PIK3C2G: variants seen among roughly 807,000 people sequenced by gnomAD.
PIK3C2G encodes phosphatidylinositol 3-kinase C2 domain-containing subunit gamma.
A neutral mutation model predicts 181.1 loss-of-function variants in PIK3C2G; 168 were observed. The ratio of observed to expected loss-of-function variants is 0.93; its 90% CI spans 0.82 to 1.05. PIK3C2G has a LOEUF of 1.05. Ranked by LOEUF, PIK3C2G falls within the 50% of genes least tolerant of loss-of-function variation. The probability of loss-of-function intolerance (pLI) is 0.00; values close to 1 mark genes in which losing one functional copy is unlikely to be tolerated. For missense variants in PIK3C2G, 1,869 were observed against 1,732.8 expected (o/e 1.08, Z -1.40); for synonymous variants, 573 against 592.2 (o/e 0.97, Z 0.47).
intron 28 of PIK3C2G, 104 bp from the exon 29 acceptor site, chr12:18,566,845 C>A (rs1945663504): frequency 2.9e-6 from 2 of 696,932 alleles, no homozygotes; most frequent in Admixed American, 2.6e-5. Flanking sequence ...CAAATGTTTT[C>A]ATTGGCCCTT....
chr12:18,295,674 G>A (rs1436810108), intron 5 of PIK3C2G, among the ~76,000 whole-genome samples: 1 of 151,812 alleles, frequency 6.6e-6, no homozygotes, highest in Non-Finnish European at 1.5e-5. Flanking sequence ...ATTAAGATAG[G>A]AAAGTTGCCA....
chr12:18,395,465 C>A (rs1253375481), intron 15 of PIK3C2G, among the ~76,000 whole-genome samples: 3 of 148,666 alleles, frequency 2.0e-5, no homozygotes, highest in Middle Eastern at 3.4e-3. Flanking sequence ...TCAACCAAAT[C>A]CAGCTGAGTT....
At chr12:18,348,316 G>C (rs1219010377) in intron 11 of PIK3C2G, among the ~76,000 whole-genome samples, 1 of 151,692 alleles carries the variant, frequency 6.6e-6, no homozygotes, top group Admixed American at 6.6e-5. Context: ...ATATAAAAAA[G>C]TGTGCATTTA....
intron 26 of PIK3C2G, among the ~76,000 whole-genome samples, chr12:18,550,168 C>T (rs1944650249): frequency 6.6e-6 from 1 of 152,048 alleles, no homozygotes; most frequent in African/African-American, 2.4e-5. Context: ...TATGAACAAT[C>T]TCTTACAGAG....
In PIK3C2G at chr12:18,648,135, G is replaced by C. The variant is rs566063445; in HGVS notation, c.*107G>C. The C allele has an allele frequency of 1.9e-6, 1 of 534,808 alleles. No individual in the cohort carries two copies. Among genetic ancestry groups the C allele is most frequent in the East Asian group, 3.3e-5 (1 of 30,196 alleles). 33.1% of individuals were successfully genotyped at this position (534,808 alleles called of 1,614,324 possible). A position where few individuals can be genotyped will look rare whatever the true frequency, so the allele number is the denominator to read the frequency against. On this transcript the variant is annotated 3_prime_UTR_variant, in exon 33 of 33. Coordinates refer to ENST00000538779, the MANE Select transcript of PIK3C2G (RefSeq NM_001288772.2). ...ATCTTTGTTGTCAAAGACAGCACAGGGTATTAAGGACACAGAAAAAAAATC... is the reference window on the plus strand; with the variant it reads ...ATCTTTGTTGTCAAAGACAGCACAGCGTATTAAGGACACAGAAAAAAAATC...
intron 24 of PIK3C2G, among the ~76,000 whole-genome samples, chr12:18,512,895 A>G (rs1171957674): frequency 6.6e-6 from 1 of 151,874 alleles, no homozygotes; most frequent in Non-Finnish European, 1.5e-5. Flanking sequence ...AAAGCTTTCA[A>G]CTTTTCACCA....
At chr12:18,454,800 T>C (rs1947540078) in intron 18 of PIK3C2G, among the ~76,000 whole-genome samples, 1 of 152,170 alleles carries the variant, frequency 6.6e-6, no homozygotes, top group Non-Finnish European at 1.5e-5. Flanking sequence ...AATTTGAAGA[T>C]AGAACTGACA....
intron 18 of PIK3C2G, among the ~76,000 whole-genome samples, chr12:18,453,528 C>G (rs757737406): frequency 1.3e-5 from 2 of 151,994 alleles, no homozygotes; most frequent in Non-Finnish European, 2.9e-5. Context: ...GTGACCTGTG[C>G]TTTTAATAAT....
intron 24 of PIK3C2G, among the ~76,000 whole-genome samples, chr12:18,535,245 G>C (rs1943783946): frequency 6.6e-6 from 1 of 151,970 alleles, no homozygotes; most frequent in African/African-American, 2.4e-5. Context: ...TTATAGACAA[G>C]TTTAGGGTAA....
At chr12:18,629,264 G>A (rs906981505) in intron 31 of PIK3C2G, among the ~76,000 whole-genome samples, 1 of 152,180 alleles carries the variant, frequency 6.6e-6, no homozygotes, top group African/African-American at 2.4e-5. Context: ...ACAGATATGA[G>A]AGAGGGCACA....
At chr12:18,532,474 AC>A (rs1592509670) in intron 24 of PIK3C2G, among the ~76,000 whole-genome samples, 1 of 152,112 alleles carries the variant, frequency 6.6e-6, no homozygotes, top group Admixed American at 6.6e-5. Flanking sequence ...AAGTCTGTGA[AC>A]CATTGTAAGT....
rs191512223 is a variant in PIK3C2G at position 18,605,846 on chromosome 12, A to G, written c.4088-3689A>G. Among the ~76,000 whole-genome samples, 8 of 152,190 alleles carry G rather than the reference A, an allele frequency of 5.3e-5. No individual in the cohort carries two copies. In the East Asian group the frequency reaches 1.5e-3, roughly 29 times the overall value. ...CTCTACAGCATGGTGCTTATAAACC[A>G]GGCGCTTATAAACACAGGCTTTGGA... On this transcript the variant is annotated intron_variant, in intron 30 of 32. Transcript: ENST00000538779.
intron 14 of PIK3C2G, among the ~76,000 whole-genome samples, chr12:18,389,048 C>T (rs565661207): frequency 1.2e-4 from 18 of 152,232 alleles, no homozygotes; most frequent in South Asian, 1.0e-3. Context: ...TCTCCTGAAG[C>T]GTTCCTTTCA....
rs1424459012 is a variant in PIK3C2G at position 18,343,311 on chromosome 12, T to C, written c.1396-16T>C. 1.5e-6 allele frequency: 2 copies of C among 1,299,214 alleles called. No homozygotes were observed. The highest frequency in any genetic ancestry group is 2.6e-5 in the South Asian group (2 of 75,662). 80.5% of individuals were successfully genotyped at this position (1,299,214 alleles called of 1,614,324 possible). ...TGTTGTGCGAATAACAAGTATAATT[T>C]TACATTTTTTTTCAGAATTTTTATC... On this transcript the variant is annotated splice_polypyrimidine_tract_variant and intron_variant, in intron 9 of 32. Coordinates refer to ENST00000538779, the MANE Select transcript of PIK3C2G (RefSeq NM_001288772.2).
At chr12:18,331,169 A>C (rs2137539677) in intron 8 of PIK3C2G, among the ~76,000 whole-genome samples, 1 of 152,268 alleles carries the variant, frequency 6.6e-6, no homozygotes, top group African/African-American at 2.4e-5. Flanking sequence ...CAGGCAATAT[A>C]AGTTCTCCAA....
chr12:18,307,600 C>T (rs77755349), intron 5 of PIK3C2G, among the ~76,000 whole-genome samples: 4,179 of 151,922 alleles, frequency 0.028, 191 homozygotes, highest in African/African-American at 0.095. Context: ...CCCTTCTCTC[C>T]ACACTACCCA....
chr12:18,300,723 T>G (rs929237658), intron 5 of PIK3C2G, among the ~76,000 whole-genome samples: 3 of 152,106 alleles, frequency 2.0e-5, no homozygotes, highest in Non-Finnish European at 2.9e-5. Flanking sequence ...GCACTGCCAC[T>G]TGGTGGTTTT....
At chr12:18,262,658 T>C (rs1948300539) in intron 1 of PIK3C2G, among the ~76,000 whole-genome samples, 1 of 151,526 alleles carries the variant, frequency 6.6e-6, no homozygotes, top group African/African-American at 2.4e-5. Context: ...TAGAAAAGGT[T>C]CATAGTAGGT....
intron 8 of PIK3C2G, among the ~76,000 whole-genome samples, chr12:18,331,298 G>A (rs1937938555): frequency 6.6e-6 from 1 of 152,108 alleles, no homozygotes; most frequent in Non-Finnish European, 1.5e-5. Flanking sequence ...TCTAATCCAT[G>A]AGAGATCAAT....
Sources: allele counts gnomAD v4.1 joint callset (sites outside exome capture counted in the v4.1 genomes callset), GRCh38; gene constraint gnomAD v4.1.1; transcripts MANE v1.5; gene names NCBI Gene and HGNC (gene_info 2026-07-23, HGNC 2026-07-21).